The following NXPE2 variants were observed in gnomAD, a reference collection of about 807,000 sequenced individuals.
NXPE2 encodes NXPE family member 2.
A neutral mutation model predicts 34.4 loss-of-function variants in NXPE2; 34 were observed. The observed-to-expected ratio is 0.99, with a 90% CI of 0.75 to 1.31. The LOEUF (loss-of-function observed/expected upper bound fraction) is 1.31, where lower values mean the gene tolerates loss of function less well. Ranked by LOEUF, NXPE2 falls within the 40% of genes most tolerant of loss-of-function variation. NXPE2 has a pLI of 0.00. For synonymous variants in NXPE2, 235 were observed against 231.3 expected (o/e 1.02, Z -0.15); for missense variants, 649 against 672.5 (o/e 0.97, Z 0.39).
the NXPE2 span, among the ~76,000 whole-genome samples, chr11:114,800,488 C>T: frequency 6.6e-6 from 1 of 152,078 alleles, no homozygotes; most frequent in Non-Finnish European, 1.5e-5. Context: ...CTGTAAAGTG[C>T]CTTTTGAGTC....
chr11:114,727,028 C>T, the NXPE2 span, among the ~76,000 whole-genome samples: 3 of 152,010 alleles, frequency 2.0e-5, no homozygotes, highest in Non-Finnish European at 4.4e-5. Context: ...ATAATCTAGG[C>T]TTTTTCTAGC....
the NXPE2 span, among the ~76,000 whole-genome samples, chr11:114,732,172 T>C: frequency 6.6e-6 from 1 of 152,348 alleles, no homozygotes; most frequent in African/African-American, 2.4e-5. Context: ...TTTTGACAAA[T>C]GTATATAATT....
chr11:114,551,262 C>G, the NXPE2 span: 1 of 1,305,216 alleles, frequency 7.7e-7, no homozygotes, highest in South Asian at 1.4e-5. Flanking sequence ...TCTCTCTGTA[C>G]TCACTCATTA....
chr11:114,501,801 T>A, the NXPE2 span, among the ~76,000 whole-genome samples: 1 of 152,216 alleles, frequency 6.6e-6, no homozygotes, highest in East Asian at 1.9e-4. Context: ...AGTGAGAACA[T>A]TAGAATGAAT....
At chr11:114,772,446 G>A in the NXPE2 span, among the ~76,000 whole-genome samples, 4,277 of 152,172 alleles carry the variant, frequency 0.028, 81 homozygotes, top group Non-Finnish European at 0.041. Context: ...AGGAGACATT[G>A]GGTGATAGGC....
At chr11:114,590,202 GC>G in the NXPE2 span, among the ~76,000 whole-genome samples, 1 of 152,168 alleles carries the variant, frequency 6.6e-6, no homozygotes, top group Non-Finnish European at 1.5e-5. Context: ...ACTGCTCTGT[GC>G]CCCAACTGAG....
the NXPE2 span, among the ~76,000 whole-genome samples, chr11:114,510,366 T>G: frequency 7.9e-5 from 12 of 152,190 alleles, no homozygotes; most frequent in Non-Finnish European, 1.6e-4. Context: ...CCCAAGTAGC[T>G]GGGACTACAG....
the NXPE2 span, among the ~76,000 whole-genome samples, chr11:114,616,711 C>T: frequency 1.3e-5 from 2 of 151,660 alleles, no homozygotes; most frequent in African/African-American, 2.4e-5. Flanking sequence ...CACTGTTACC[C>T]AGTGTATAAT....
chr11:114,556,619 A>G, the NXPE2 span, among the ~76,000 whole-genome samples: 2 of 152,012 alleles, frequency 1.3e-5, no homozygotes, highest in East Asian at 1.9e-4. Flanking sequence ...ATGATTCCCT[A>G]CTTTTAAGTG....
the NXPE2 span, chr11:114,584,267 G>T: frequency 5.9e-5 from 29 of 494,760 alleles, no homozygotes; most frequent in African/African-American, 5.0e-4. Context: ...GAATACTTTG[G>T]ACCATATTTC....
At chr11:114,706,074 T>G (rs1042991840) in intron 5 of NXPE2, 78 bp downstream of exon 5, 5 of 558,444 alleles carry the variant, frequency 9.0e-6, no homozygotes, top group African/African-American at 4.0e-5. Flanking sequence ...TATTTGCTTT[T>G]CTTTTCTAAT....
the NXPE2 span, among the ~76,000 whole-genome samples, chr11:114,730,091 G>T: frequency 6.6e-6 from 1 of 152,112 alleles, no homozygotes. Flanking sequence ...ATGGTGAAAG[G>T]TATGGGTCCA....
chr11:114,808,706 C>G, the NXPE2 span, among the ~76,000 whole-genome samples: 1 of 151,790 alleles, frequency 6.6e-6, no homozygotes, highest in African/African-American at 2.4e-5. Flanking sequence ...TAATCAATAG[C>G]TTACCACCAA....
the NXPE2 span, among the ~76,000 whole-genome samples, chr11:114,563,726 AACATC>A: frequency 3.9e-5 from 6 of 152,230 alleles, no homozygotes; most frequent in African/African-American, 1.4e-4. Context: ...AAAAATGCTC[AACATC>A]ACTAATTATC....
chr11:114,748,194 CCTT>C, the NXPE2 span, among the ~76,000 whole-genome samples: 1 of 152,004 alleles, frequency 6.6e-6, no homozygotes, highest in Non-Finnish European at 1.5e-5. Flanking sequence ...ACAATTTTAA[CCTT>C]ACAGAAAATT....
the NXPE2 span, among the ~76,000 whole-genome samples, chr11:114,585,530 AAAG>A: frequency 6.6e-6 from 1 of 152,146 alleles, no homozygotes; most frequent in African/African-American, 2.4e-5. Context: ...AAAAAGAGAA[AAAG>A]AAGGTCATTA....
At chr11:114,801,785 G>A in the NXPE2 span, among the ~76,000 whole-genome samples, 1 of 152,164 alleles carries the variant, frequency 6.6e-6, no homozygotes, top group African/African-American at 2.4e-5. Context: ...TTTCTGGACT[G>A]AACCATGAAA....
chr11:114,534,679 G>T, the NXPE2 span, among the ~76,000 whole-genome samples: 362 of 152,290 alleles, frequency 2.4e-3, 1 homozygote, highest in Non-Finnish European at 3.9e-3. Flanking sequence ...GGAAGAAAGG[G>T]TATCAGTGAT....
At chr11:114,575,812 A>G in the NXPE2 span, among the ~76,000 whole-genome samples, 1 of 152,118 alleles carries the variant, frequency 6.6e-6, no homozygotes, top group Non-Finnish European at 1.5e-5. Flanking sequence ...TTTTCTTCAA[A>G]ATACCACCAT....
Sources: allele counts gnomAD v4.1 joint callset (sites outside exome capture counted in the v4.1 genomes callset), GRCh38; gene constraint gnomAD v4.1.1; transcripts MANE v1.5; gene names NCBI Gene and HGNC (gene_info 2026-07-23, HGNC 2026-07-21).